KPNA1: variants seen among roughly 807,000 people sequenced by gnomAD.
KPNA1 encodes importin subunit alpha-5.
In KPNA1, 10 loss-of-function variants were observed where a neutral mutation model predicts 70.5. The observed-to-expected ratio is 0.14, with a 90% confidence interval of 0.09 to 0.24. The LOEUF is 0.24. Ranked by LOEUF, KPNA1 falls within the 10% of genes least tolerant of loss-of-function variation. The pLI is 1.00. For missense variants in KPNA1, 397 were observed against 637.9 expected (o/e 0.62, Z 4.07); for synonymous variants, 192 against 221.9 (o/e 0.87, Z 1.20).
At chr3:122,498,675 C>T (rs916859726) in intron 1 of KPNA1, among the ~76,000 whole-genome samples, 1 of 152,134 alleles carries the variant, frequency 6.6e-6, no homozygotes, top group African/African-American at 2.4e-5. Context: ...GTTTTGAACT[C>T]GAAAAATGTC....
intron 2 of KPNA1, among the ~76,000 whole-genome samples, chr3:122,482,417 A>G (rs1483094128): frequency 6.6e-6 from 1 of 152,210 alleles, no homozygotes; most frequent in Non-Finnish European, 1.5e-5. Context: ...TGAAAGACCC[A>G]CTACTTTTCA....
chr3:122,463,082 T>G (rs962600313), intron 4 of KPNA1, among the ~76,000 whole-genome samples: 4 of 152,108 alleles, frequency 2.6e-5, no homozygotes, highest in Non-Finnish European at 2.9e-5. Flanking sequence ...CCGGGCGCAG[T>G]GGCTCACGCC....
chr3:122,508,280 A>C (rs1424701059), intron 1 of KPNA1, among the ~76,000 whole-genome samples: 1 of 152,222 alleles, frequency 6.6e-6, no homozygotes, highest in Non-Finnish European at 1.5e-5. Context: ...CCTAACCTGC[A>C]AACGAAGAAG....
chr3:122,433,859 A>G, intron 11 of KPNA1, 71 bp from the exon 12 acceptor site: 2 of 1,242,462 alleles, frequency 1.6e-6, no homozygotes, highest in Non-Finnish European at 2.2e-6. Flanking sequence ...ACTAATTATA[A>G]TTTCTAAGCT....
At chr3:122,467,784 T>G (rs114335112) in intron 2 of KPNA1, among the ~76,000 whole-genome samples, 1 of 152,054 alleles carries the variant, frequency 6.6e-6, no homozygotes, top group South Asian at 2.1e-4. Context: ...GTCCTAACAA[T>G]GTACCAAGGA....
intron 4 of KPNA1, among the ~76,000 whole-genome samples, chr3:122,462,033 A>T (rs1396548120): frequency 2.6e-5 from 4 of 152,216 alleles, no homozygotes; most frequent in African/African-American, 4.8e-5. Flanking sequence ...TTACTGAAAG[A>T]GGTGACTAAT....
intron 8 of KPNA1, 62 bp from the exon 9 acceptor site, chr3:122,449,799 T>C: frequency 5.6e-3 from 5,640 of 1,000,704 alleles, no homozygotes; most frequent in Non-Finnish European, 7.8e-3. Flanking sequence ...TGAGGTGAGA[T>C]ACTCAAGAAG....
At chr3:122,497,386 TACA>T (rs2076776694) in intron 1 of KPNA1, among the ~76,000 whole-genome samples, 1 of 152,266 alleles carries the variant, frequency 6.6e-6, no homozygotes, top group Admixed American at 6.5e-5. Context: ...ATAACACTTC[TACA>T]ACATTTGTGG....
At chr3:122,487,177 A>G (rs1378975938) in intron 2 of KPNA1, among the ~76,000 whole-genome samples, 1 of 152,238 alleles carries the variant, frequency 6.6e-6, no homozygotes, top group East Asian at 1.9e-4. Flanking sequence ...ACCAGAATGT[A>G]AGGATTAGTC....
chr3:122,451,661 C>T, intron 7 of KPNA1, 28 bp from the exon 8 acceptor site: 1 of 1,409,210 alleles, frequency 7.1e-7, no homozygotes, highest in Non-Finnish European at 1.0e-6. Context: ...CAATGGTAAA[C>T]TATGTAACAG....
intron 5 of KPNA1, among the ~76,000 whole-genome samples, chr3:122,455,937 T>C (rs781388220): frequency 1.3e-5 from 2 of 152,188 alleles, no homozygotes; most frequent in Non-Finnish European, 2.9e-5. Flanking sequence ...CTGGCTTTTC[T>C]TGTGTACAAA....
At chr3:122,446,011 G>C (rs1403725711) in intron 9 of KPNA1, among the ~76,000 whole-genome samples, 1 of 152,192 alleles carries the variant, frequency 6.6e-6, no homozygotes, top group Non-Finnish European at 1.5e-5. Context: ...GGAGCACCCA[G>C]ATTCATAAAC....
chr3:122,452,012 T>A lies in KPNA1; in HGVS notation c.617A>T (p.Tyr206Phe). 1 of 1,610,446 alleles carries A rather than the reference T, an allele frequency of 6.2e-7. No individual in the cohort carries two copies. Residue 206 changes from tyrosine (Y) to phenylalanine (F), a missense_variant, in exon 7 of 14, where the codon TAT becomes TTT. Tyr to Phe is a conservative substitution (Grantham distance 22, BLOSUM62 3). Coordinates refer to ENST00000344337, the MANE Select transcript of KPNA1 (RefSeq NM_002264.4). The stretch of plus-strand genomic sequence containing the variant: ...GGGAAGGATATTGCAGTCTAAGACA[T>A]AGTCCCTGCACATGGTACTATCTCC... ...IAGDSTMCRD[Y>F]VLDCNILPPL...
At chr3:122,442,157 CCTTA>C in intron 9 of KPNA1, 41 bp from the exon 10 acceptor site, 2 of 1,468,184 alleles carry the variant, frequency 1.4e-6, no homozygotes, top group Non-Finnish European at 1.9e-6. Context: ...ACAGTTCTAT[CCTTA>C]GTTTCATTTC....
intron 2 of KPNA1, among the ~76,000 whole-genome samples, chr3:122,484,667 TAAATA>T (rs1355711496): frequency 6.7e-6 from 1 of 150,136 alleles, no homozygotes; most frequent in African/African-American, 2.4e-5. Context: ...ATAAAAAAAA[TAAATA>T]AAATAAAGGA....
chr3:122,445,674 T>C (rs1283984501), intron 9 of KPNA1, among the ~76,000 whole-genome samples: 4 of 152,154 alleles, frequency 2.6e-5, no homozygotes, highest in Non-Finnish European at 4.4e-5. Context: ...ATAACAATAA[T>C]AACCTTAATT....
At chr3:122,435,238 TG>T (rs765136059) in intron 11 of KPNA1, among the ~76,000 whole-genome samples, 13 of 152,202 alleles carry the variant, frequency 8.5e-5, no homozygotes, top group Non-Finnish European at 1.3e-4. Flanking sequence ...TTGGATTAGA[TG>T]ATCTCTCTGT....
intron 3 of KPNA1, 37 bp from the exon 4 acceptor site, chr3:122,464,078 T>G: frequency 8.8e-7 from 1 of 1,130,410 alleles, no homozygotes; most frequent in South Asian, 1.5e-5. Flanking sequence ...TAATAAATTA[T>G]CACCCTTAAT....
At chr3:122,466,801 A>G (rs1397931913) in intron 3 of KPNA1, among the ~76,000 whole-genome samples, 3 of 152,060 alleles carry the variant, frequency 2.0e-5, no homozygotes, top group African/African-American at 7.2e-5. Context: ...TGAGGCCAGG[A>G]GTTCACCTGG....
Sources: gnomAD v4.1 joint callset for allele counts (sites outside exome capture counted in the v4.1 genomes callset) on GRCh38, gnomAD v4.1.1 for gene constraint, MANE v1.5 for transcripts, NCBI Gene and HGNC (gene_info 2026-07-23, HGNC 2026-07-21) for gene names.